The following TAFA1 variants were observed in gnomAD, a reference collection of about 807,000 sequenced individuals.
TAFA1 encodes the protein TAFA chemokine like family member 1, also known as chemokine-like protein TAFA-1.
In TAFA1, 4 loss-of-function variants were observed where a neutral mutation model predicts 18.5. That is an observed-to-expected ratio of 0.22 (90% confidence interval 0.11 to 0.49). TAFA1 has a LOEUF of 0.49. Ranked by LOEUF, TAFA1 falls within the 20% of genes least tolerant of loss-of-function variation. The pLI is 0.98. For synonymous variants in TAFA1, 56 were observed against 55.2 expected, an observed-to-expected ratio of 1.01 and a Z score of -0.06; for missense variants, 147 against 169.0, an observed-to-expected ratio of 0.87 and a Z score of 0.72.
intron 2 of TAFA1, among the ~76,000 whole-genome samples, chr3:68,129,414 A>G (rs2065511091): frequency 6.6e-6 from 1 of 152,190 alleles, no homozygotes; most frequent in African/African-American, 2.4e-5. Context: ...ACTGCAAGAT[A>G]CTCAATCTCT....
intron 3 of TAFA1, among the ~76,000 whole-genome samples, chr3:68,482,945 T>A (rs948889347): frequency 3.3e-5 from 5 of 152,228 alleles, no homozygotes; most frequent in African/African-American, 1.2e-4. Flanking sequence ...CTGGACTGTT[T>A]AATTCGTGGA....
At chr3:68,495,974 A>G (rs991553328) in intron 3 of TAFA1, among the ~76,000 whole-genome samples, 2 of 131,226 alleles carry the variant, frequency 1.5e-5, no homozygotes, top group East Asian at 2.3e-4. Flanking sequence ...AATAACAACG[A>G]TAGTGAACCT....
chr3:68,506,263 C>T (rs2072751901), intron 3 of TAFA1, among the ~76,000 whole-genome samples: 1 of 152,006 alleles, frequency 6.6e-6, no homozygotes, highest in South Asian at 2.1e-4. Context: ...GTATATATGC[C>T]ACATTTTCTT....
At chr3:68,496,220 A>C (rs2072546466) in intron 3 of TAFA1, among the ~76,000 whole-genome samples, 1 of 152,152 alleles carries the variant, frequency 6.6e-6, no homozygotes, top group African/African-American at 2.4e-5. Context: ...ATTGTGGTAG[A>C]TAGTTGCCAA....
At chr3:68,515,150 A>T (rs868607950) in intron 3 of TAFA1, among the ~76,000 whole-genome samples, 1 of 152,104 alleles carries the variant, frequency 6.6e-6, no homozygotes, top group Non-Finnish European at 1.5e-5. Flanking sequence ...ACTTCCCAGT[A>T]TGGTAGTGTC....
At chr3:68,054,625 T>C (rs951213562) in intron 2 of TAFA1, among the ~76,000 whole-genome samples, 2 of 152,224 alleles carry the variant, frequency 1.3e-5, no homozygotes, top group Non-Finnish European at 2.9e-5. Context: ...CACTCATTCA[T>C]TACATATTGT....
At chr3:68,171,031 C>T (rs1014851881) in intron 2 of TAFA1, among the ~76,000 whole-genome samples, 1 of 152,158 alleles carries the variant, frequency 6.6e-6, no homozygotes, top group Non-Finnish European at 1.5e-5. Context: ...CCAAAAGATG[C>T]CCATGTGTTA....
chr3:68,154,558 T>C (rs2065843926), intron 2 of TAFA1, among the ~76,000 whole-genome samples: 1 of 152,202 alleles, frequency 6.6e-6, no homozygotes, highest in East Asian at 1.9e-4. Flanking sequence ...AAACCCCTGT[T>C]TCCTTGAGGC....
intron 2 of TAFA1, among the ~76,000 whole-genome samples, chr3:68,142,499 CG>C (rs1268296195): frequency 4.6e-5 from 7 of 152,200 alleles, no homozygotes; most frequent in African/African-American, 1.7e-4. Context: ...AGTCCTTGAA[CG>C]TTCTTGCATT....
rs534210544 is a variant in TAFA1 at position 68,105,008 on chromosome 3, T to C, written c.118+98264T>C. ...CATCTGGTTAAGGCCTCAGGAAGATTCCAGTCATGGTGGAAGCAAAGGGAG... is the reference window on the plus strand; with the variant it reads ...CATCTGGTTAAGGCCTCAGGAAGATCCCAGTCATGGTGGAAGCAAAGGGAG... On this transcript the variant is annotated intron_variant, in intron 2 of 4. Transcript: ENST00000478136. Among the ~76,000 whole-genome samples, 6 of 152,228 alleles carry C rather than the reference T, an allele frequency of 3.9e-5. No individual in the cohort carries two copies. In the South Asian group the frequency reaches 1.2e-3, roughly 32 times the overall value.
At chr3:68,205,980 A>C (rs1215953573) in intron 2 of TAFA1, among the ~76,000 whole-genome samples, 1 of 151,878 alleles carries the variant, frequency 6.6e-6, no homozygotes, top group African/African-American at 2.4e-5. Context: ...TGACATAGTC[A>C]CCCCCGATTA....
At chr3:68,073,860 G>A (rs917179403) in intron 2 of TAFA1, among the ~76,000 whole-genome samples, 3 of 152,076 alleles carry the variant, frequency 2.0e-5, no homozygotes, top group African/African-American at 7.2e-5. Context: ...AACCTTTTTG[G>A]CACCAGGAAC....
At chr3:68,424,575 GA>G (rs2071019050) in intron 3 of TAFA1, among the ~76,000 whole-genome samples, 1 of 151,662 alleles carries the variant, frequency 6.6e-6, no homozygotes, top group African/African-American at 2.4e-5. Flanking sequence ...TTGCTCCTGG[GA>G]AAAAGTCATG....
intron 3 of TAFA1, among the ~76,000 whole-genome samples, chr3:68,538,203 T>G (rs1421994690): frequency 6.6e-6 from 1 of 152,168 alleles, no homozygotes; most frequent in Non-Finnish European, 1.5e-5. Context: ...ATAGTGATAT[T>G]ATCTACAGGA....
intron 2 of TAFA1, among the ~76,000 whole-genome samples, chr3:68,112,043 G>T (rs997427398): frequency 6.6e-6 from 1 of 152,036 alleles, no homozygotes; most frequent in Non-Finnish European, 1.5e-5. Context: ...TCTGTCCATT[G>T]CATCTTGGTA....
chr3:68,413,507 A>T (rs2070755809), intron 2 of TAFA1, among the ~76,000 whole-genome samples: 1 of 152,164 alleles, frequency 6.6e-6, no homozygotes, highest in African/African-American at 2.4e-5. Context: ...GTAAGTCTGT[A>T]TCATCTCTAG....
intron 2 of TAFA1, among the ~76,000 whole-genome samples, chr3:68,080,031 C>A (rs1476387010): frequency 6.6e-6 from 1 of 151,960 alleles, no homozygotes; most frequent in African/African-American, 2.4e-5. Flanking sequence ...GGATAGTTAG[C>A]TCTTCTTGTT....
chr3:68,129,825 C>A (rs1156384789), intron 2 of TAFA1, among the ~76,000 whole-genome samples: 2 of 152,118 alleles, frequency 1.3e-5, no homozygotes, highest in Non-Finnish European at 2.9e-5. Context: ...GAAAAAAGTT[C>A]CTTCTTGAAG....
intron 2 of TAFA1, among the ~76,000 whole-genome samples, chr3:68,133,751 C>A (rs2065571811): frequency 6.6e-6 from 1 of 152,014 alleles, no homozygotes; most frequent in South Asian, 2.1e-4. Flanking sequence ...AACCAAGCTG[C>A]CCTCACTAAC....
Sources: gnomAD v4.1 joint callset for allele counts (sites outside exome capture counted in the v4.1 genomes callset) on GRCh38, gnomAD v4.1.1 for gene constraint, MANE v1.5 for transcripts, NCBI Gene and HGNC (gene_info 2026-07-23, HGNC 2026-07-21) for gene names.